PIK3R3: variants seen among roughly 807,000 people sequenced by gnomAD.
PIK3R3 encodes phosphatidylinositol 3-kinase regulatory subunit gamma.
A neutral mutation model predicts 62.9 loss-of-function variants in PIK3R3; 64 were observed. That is an observed-to-expected ratio of 1.02 (90% CI 0.83 to 1.25). The LOEUF (loss-of-function observed/expected upper bound fraction) is 1.25, where lower values mean the gene tolerates loss of function less well. Ranked by LOEUF, PIK3R3 falls within the 50% of genes most tolerant of loss-of-function variation. The pLI, the probability that PIK3R3 is intolerant of heterozygous loss-of-function variation, is 0.00. For missense variants in PIK3R3, 614 were observed against 561.6 expected, an observed-to-expected ratio of 1.09 and a Z score of -0.94; for synonymous variants, 165 against 189.0, an observed-to-expected ratio of 0.87 and a Z score of 1.04.
chr1:46,121,785 T>C (rs1306620852), intron 1 of PIK3R3, among the ~76,000 whole-genome samples: 2 of 152,092 alleles, frequency 1.3e-5, no homozygotes, highest in African/African-American at 4.8e-5. Flanking sequence ...AAACAGGAAG[T>C]CCAAGTATGG....
chr1:46,137,445 G>T (rs1655971532), upstream of PIK3R3, among the ~76,000 whole-genome samples: 2 of 152,220 alleles, frequency 1.3e-5, no homozygotes, highest in South Asian at 2.1e-4. Context: ...GTGACATTTG[G>T]CTGCCCCAGA....
At chr1:46,067,210 T>C (rs2149397475) in intron 3 of PIK3R3, 119 bp from the exon 4 acceptor site, 2 of 611,404 alleles carry the variant, frequency 3.3e-6, no homozygotes, top group Admixed American at 5.9e-5. Context: ...ACTATGTTAA[T>C]GAGGCTGGAA....
chr1:46,102,394 G>GTA (rs1340138143), intron 1 of PIK3R3, among the ~76,000 whole-genome samples: 1 of 152,098 alleles, frequency 6.6e-6, no homozygotes, highest in East Asian at 1.9e-4. Flanking sequence ...GAATCCAACT[G>GTA]TATAGTGGTC....
At chr1:46,121,748 G>A (rs1654700352) in intron 1 of PIK3R3, among the ~76,000 whole-genome samples, 1 of 152,128 alleles carries the variant, frequency 6.6e-6, no homozygotes, top group Non-Finnish European at 1.5e-5. Context: ...GGTAAGGATA[G>A]GCAATCTGGC....
chr1:46,061,101 TC>T (rs1483142828), intron 6 of PIK3R3, among the ~76,000 whole-genome samples: 17 of 152,200 alleles, frequency 1.1e-4, no homozygotes, highest in African/African-American at 3.9e-4. Context: ...ATCCAAATAA[TC>T]AGCTGCCTGC....
chr1:46,139,503 C>G, the PIK3R3 span, among the ~76,000 whole-genome samples: 6 of 152,012 alleles, frequency 3.9e-5, no homozygotes, highest in Non-Finnish European at 8.8e-5. Context: ...GATGGGGTTT[C>G]ACCATGTTGA....
rs927311202 is a variant in PIK3R3 at position 46,132,364 on chromosome 1, T to C, written c.-412A>G. On this transcript the variant is annotated 5_prime_UTR_variant, in exon 1 of 10. Coordinates refer to ENST00000262741, the MANE Select transcript of PIK3R3 (RefSeq NM_003629.4). ...AATGAAGAGGAAAAAAAAGAACACG[T>C]TGGGAGAAACCCGGGCAAGTGACAA... 3.9e-5 allele frequency: 44 copies of C among 1,120,310 alleles called. No individual in the cohort carries two copies. In the African/African-American group the frequency reaches 6.0e-4, roughly 15 times the overall value. 69.4% of individuals were successfully genotyped at this position (1,120,310 alleles called of 1,614,324 possible).
Position 46,046,604 on chromosome 1 carries a change from C to T in PIK3R3, c.963G>A (p.Val321=). 6.2e-7 allele frequency: 1 copy of T among 1,613,530 alleles called. No homozygotes were observed. The highest frequency in any genetic ancestry group is 8.5e-7 in the Non-Finnish European group (1 of 1,179,470). The change falls in exon 8 of 10, where the codon GTG becomes GTA. Residue 321 remains valine (V), a synonymous_variant. Transcript: ENST00000262741. ...GCCAGACATTCAGGCGTTTCTGTCT[C>T]ACTCCTTTGTGATTGAGCCATCTGC... ...QHLVWLNHKG[V]RQKRLNVWLG...
chr1:46,140,288 G>A, the PIK3R3 span, among the ~76,000 whole-genome samples: 37 of 152,074 alleles, frequency 2.4e-4, no homozygotes, highest in Admixed American at 1.1e-3. Flanking sequence ...CCACCACACC[G>A]TGTCCCCTCT....
At chr1:46,168,202 T>C in the PIK3R3 span, among the ~76,000 whole-genome samples, 89,295 of 151,974 alleles carry the variant, frequency 0.59, 26,295 homozygotes, top group South Asian at 0.68. Context: ...ATACCTATGC[T>C]ATCTTCTGTG....
chr1:46,093,747 T>A (rs1461376702), intron 1 of PIK3R3, among the ~76,000 whole-genome samples: 1 of 150,376 alleles, frequency 6.6e-6, no homozygotes, highest in Non-Finnish European at 1.5e-5. Flanking sequence ...CCCAGCTATT[T>A]GGGAGGCTGA....
At chr1:46,161,670 G>A in the PIK3R3 span, among the ~76,000 whole-genome samples, 1 of 152,052 alleles carries the variant, frequency 6.6e-6, no homozygotes, top group African/African-American at 2.4e-5. Context: ...AGGAGTTTGA[G>A]GCTATAATGT....
At chr1:46,122,297 A>C (rs1190018067) in intron 1 of PIK3R3, among the ~76,000 whole-genome samples, 1 of 152,136 alleles carries the variant, frequency 6.6e-6, no homozygotes, top group Non-Finnish European at 1.5e-5. Flanking sequence ...GTATAATAAC[A>C]CACTGGATAA....
the PIK3R3 span, among the ~76,000 whole-genome samples, chr1:46,155,014 A>C: frequency 2.6e-5 from 4 of 152,202 alleles, no homozygotes; most frequent in African/African-American, 4.8e-5. Flanking sequence ...CAATGCCTAT[A>C]TCTTGATCTA....
the PIK3R3 span, among the ~76,000 whole-genome samples, chr1:46,155,454 T>C: frequency 6.9e-6 from 1 of 145,104 alleles, no homozygotes; most frequent in African/African-American, 2.5e-5. Flanking sequence ...CTTTTTTTCC[T>C]TTTTTTTTTT....
chr1:46,171,019 A>AT, the PIK3R3 span, among the ~76,000 whole-genome samples: 3 of 152,192 alleles, frequency 2.0e-5, no homozygotes, highest in Non-Finnish European at 2.9e-5. Context: ...GAATTTCATG[A>AT]TTTTTTAAAA....
chr1:46,067,162 A>C, intron 3 of PIK3R3, 71 bp from the exon 4 acceptor site: 20 of 1,166,610 alleles, frequency 1.7e-5, no homozygotes, highest in Non-Finnish European at 2.3e-5. Context: ...TTTCATATGG[A>C]GACGTGAAAG....
Position 46,046,068 on chromosome 1 carries a change from T to A in PIK3R3, c.1037A>T (p.Glu346Val). The change falls in exon 9 of 10, where the codon GAA becomes GTA. Residue 346 changes from glutamate (E) to valine (V), a missense_variant. Coordinates refer to ENST00000262741, the MANE Select transcript of PIK3R3 (RefSeq NM_003629.4). ...ATCATAATGGGGCAGGTTTTCATCTTCCTCATTGATAAAATAGTTCCTAAA... is the reference window on the plus strand; with the variant it reads ...ATCATAATGGGGCAGGTTTTCATCTACCTCATTGATAAAATAGTTCCTAAA... ...DADENYFINE[E>V]DENLPHYDEK... 1 of 1,599,068 alleles carries A rather than the reference T, an allele frequency of 6.3e-7. No homozygotes were observed. The highest frequency in any genetic ancestry group is 8.6e-7 in the Non-Finnish European group (1 of 1,168,546).
At chr1:46,104,675 T>C (rs1280579928) in intron 1 of PIK3R3, among the ~76,000 whole-genome samples, 1 of 152,080 alleles carries the variant, frequency 6.6e-6, no homozygotes, top group East Asian at 1.9e-4. Flanking sequence ...ACACCTGTAA[T>C]CCCAGCACTT....
Sources: allele counts gnomAD v4.1 joint callset (sites outside exome capture counted in the v4.1 genomes callset), GRCh38; gene constraint gnomAD v4.1.1; transcripts MANE v1.5; gene names NCBI Gene and HGNC (gene_info 2026-07-23, HGNC 2026-07-21).